RAP2A: variants seen among roughly 807,000 people sequenced by gnomAD.
RAP2A encodes the protein ras-related protein Rap-2a.
In RAP2A, 5 loss-of-function variants were observed where a neutral mutation model predicts 15.1. The observed-to-expected ratio is 0.33, with a 90% CI of 0.17 to 0.70. RAP2A has a LOEUF of 0.70. Among genes scored for constraint, RAP2A ranks in the 30% least tolerant of loss-of-function variants. The pLI, the probability that RAP2A is intolerant of heterozygous loss-of-function variation, is 0.68. For synonymous variants in RAP2A, 110 were observed against 99.7 expected, an observed-to-expected ratio of 1.10 and a Z score of -0.62; for missense variants, 111 against 240.3, an observed-to-expected ratio of 0.46 and a Z score of 3.56.
intron 1 of RAP2A, among the ~76,000 whole-genome samples, chr13:97,440,406 T>C (rs1421898154): frequency 6.6e-6 from 1 of 152,060 alleles, no homozygotes; most frequent in Non-Finnish European, 1.5e-5. Context: ...TCCACTTAAA[T>C]ACAAAACTAA....
intron 1 of RAP2A, among the ~76,000 whole-genome samples, chr13:97,441,146 G>A (rs780176128): frequency 1.3e-5 from 2 of 152,144 alleles, no homozygotes; most frequent in Non-Finnish European, 2.9e-5. Flanking sequence ...TTCTGTGAGA[G>A]CACTTTTGTC....
rs991893387 is a variant in RAP2A at position 97,467,191 on chromosome 13, T to A, written c.*2749T>A. On this transcript the variant is annotated 3_prime_UTR_variant, in exon 2 of 2. Coordinates refer to ENST00000245304, the MANE Select transcript of RAP2A (RefSeq NM_021033.7). ...AAGGCAGCATCTTTGAATTTTTTTT[T>A]CTTTTGATGTTGCAACTTTTGGGTT... 1 of 152,596 alleles carries A rather than the reference T, an allele frequency of 6.6e-6. No homozygotes were observed. The highest frequency in any genetic ancestry group is 2.4e-5 in the African/African-American group (1 of 41,458). 9.5% of individuals were successfully genotyped at this position (152,596 alleles called of 1,614,324 possible).
chr13:97,447,909 C>A (rs1414262700), intron 1 of RAP2A, among the ~76,000 whole-genome samples: 1 of 152,130 alleles, frequency 6.6e-6, no homozygotes, highest in African/African-American at 2.4e-5. Flanking sequence ...AGGTAGCACA[C>A]CTGGCTTCAG....
chr13:97,461,990 TTATATATTTATATTTATA>T, intron 1 of RAP2A, among the ~76,000 whole-genome samples: 1 of 141,778 alleles, frequency 7.1e-6, no homozygotes, highest in Admixed American at 7.0e-5. Flanking sequence ...ATATATATAT[TTATATATTTATATTTATA>T]TATTTATATA....
chr13:97,449,872 GTTGT>G (rs1359085879), intron 1 of RAP2A, among the ~76,000 whole-genome samples: 2 of 151,974 alleles, frequency 1.3e-5, no homozygotes, highest in Non-Finnish European at 2.9e-5. Context: ...CCTCTTCTGA[GTTGT>G]TTATTGCTGG....
At chr13:97,434,869 A>C in intron 1 of RAP2A, 85 bp downstream of exon 1, 3 of 1,547,860 alleles carry the variant, frequency 1.9e-6, no homozygotes, top group Non-Finnish European at 2.6e-6. Flanking sequence ...GGCTCCGGGG[A>C]AGGGGCTTTC....
In RAP2A at chr13:97,462,032, T is replaced by TTATATATATTTATATATATATTTA. The variant is rs533390943; in HGVS notation, c.315-2155_315-2132dup. ...TATATTTATATAGATATTTATATATTTATATATATTTATATATATATTTAT... is the reference window on the plus strand; with the variant it reads ...TATATTTATATAGATATTTATATATTTATATATATTTATATATATATTTATATATATATTTATATATATATTTAT... On this transcript the variant is annotated intron_variant, in intron 1 of 1. Transcript: ENST00000245304. 3.5e-5 allele frequency among the ~76,000 whole-genome samples: 5 copies of TTATATATATTTATATATATATTTA among 141,554 alleles called. 1 individual carries two copies. Among genetic ancestry groups the TTATATATATTTATATATATATTTA allele is most frequent in the South Asian group, 4.2e-4 (2 of 4,744 alleles). 92.9% of individuals were successfully genotyped at this position (141,554 alleles called of 152,430 possible).
chr13:97,447,730 A>T (rs1447172619), intron 1 of RAP2A, among the ~76,000 whole-genome samples: 1 of 152,214 alleles, frequency 6.6e-6, no homozygotes, highest in African/African-American at 2.4e-5. Flanking sequence ...GTTACTCCAG[A>T]CACCATGGAC....
intron 1 of RAP2A, among the ~76,000 whole-genome samples, chr13:97,458,507 T>A (rs756703389): frequency 5.9e-5 from 9 of 152,134 alleles, no homozygotes; most frequent in Non-Finnish European, 1.3e-4. Context: ...GGTCACAAAG[T>A]AGTAGATTAG....
rs2066762472 is a variant in RAP2A, at chr13:97,464,595, A to G, written c.*153A>G. On this transcript the variant is annotated 3_prime_UTR_variant, in exon 2 of 2. Coordinates refer to ENST00000245304, the MANE Select transcript of RAP2A (RefSeq NM_021033.7). ...AATTGAGCAGTGATTGTCAGTTGATATCTCTGAGTAACATTTGGGTTCAGT... is the reference window on the plus strand; with the variant it reads ...AATTGAGCAGTGATTGTCAGTTGATGTCTCTGAGTAACATTTGGGTTCAGT... 8 of 720,172 alleles carry G rather than the reference A, an allele frequency of 1.1e-5. No individual in the cohort carries two copies. In the South Asian group the frequency reaches 1.3e-4, roughly 11 times the overall value. 44.6% of individuals were successfully genotyped at this position (720,172 alleles called of 1,614,324 possible).
intron 1 of RAP2A, among the ~76,000 whole-genome samples, chr13:97,448,924 A>G (rs1188340849): frequency 6.6e-6 from 1 of 152,152 alleles, no homozygotes; most frequent in African/African-American, 2.4e-5. Flanking sequence ...AGCCTTGAAT[A>G]TGGAGGAGGG....
rs1049963092 is a variant in RAP2A at position 97,464,737 on chromosome 13, T to C, written c.*295T>C. 4 of 353,274 alleles carry C rather than the reference T, an allele frequency of 1.1e-5. No homozygotes were observed. The highest frequency in any genetic ancestry group is 6.2e-5 in the African/African-American group (3 of 48,750). The allele number at this position is 353,274 out of a possible 1,614,324, so 21.9% of individuals were successfully genotyped here. A position where few individuals can be genotyped will look rare whatever the true frequency, so the allele number is the denominator to read the frequency against. On this transcript the variant is annotated 3_prime_UTR_variant, in exon 2 of 2. Transcript: ENST00000245304. ...AAGCTATGATGGCATTGTCGCTGAGTTGACAGAAGCAACTATTGTACAAAT... is the reference window on the plus strand; with the variant it reads ...AAGCTATGATGGCATTGTCGCTGAGCTGACAGAAGCAACTATTGTACAAAT...
intron 1 of RAP2A, among the ~76,000 whole-genome samples, chr13:97,435,072 G>T (rs192412523): frequency 3.9e-5 from 6 of 152,212 alleles, no homozygotes; most frequent in Admixed American, 2.0e-4. Flanking sequence ...AAACTTGCAG[G>T]GGGGAAAGGG....
intron 1 of RAP2A, among the ~76,000 whole-genome samples, chr13:97,442,233 A>G (rs1167801130): frequency 6.6e-6 from 1 of 152,098 alleles, no homozygotes; most frequent in East Asian, 1.9e-4. Flanking sequence ...CTAATACATA[A>G]TCTAGCTAAG....
Position 97,434,435 on chromosome 13 carries a change from G to T in RAP2A, c.-36G>T, listed in dbSNP as rs1196115929. On this transcript the variant is annotated 5_prime_UTR_variant, in exon 1 of 2. Transcript: ENST00000245304. ...AGCGCGGCCGGCGTAGGTCTATGTC[G>T]CGGGCGGCGGCGGCGGCGGCGGCCG... is the stretch of plus-strand genomic sequence containing the variant. 1 of 1,545,764 alleles carries T rather than the reference G, an allele frequency of 6.5e-7. No homozygotes were observed. The highest frequency in any genetic ancestry group is 8.7e-7 in the Non-Finnish European group (1 of 1,146,154).
In RAP2A at chr13:97,468,770, A is replaced by G. The variant is rs909674640; in HGVS notation, c.*4328A>G. Reference sequence around the variant, plus strand: ...GTGTTTGTAAATTTTTTAATAAATTATTTAAATGTATCAATAGTGGATAGT... The same window carrying G: ...GTGTTTGTAAATTTTTTAATAAATTGTTTAAATGTATCAATAGTGGATAGT... On this transcript the variant is annotated 3_prime_UTR_variant, in exon 2 of 2. Transcript: ENST00000245304. The G allele has an allele frequency of 6.6e-6, 1 of 152,252 alleles. No homozygotes were observed. Among genetic ancestry groups the G allele is most frequent in the African/African-American group, 2.4e-5 (1 of 41,468 alleles). 9.4% of individuals were successfully genotyped at this position (152,252 alleles called of 1,614,324 possible). A position where few individuals can be genotyped will look rare whatever the true frequency, so the allele number is the denominator to read the frequency against.
chr13:97,459,126 G>A (rs1265523771), intron 1 of RAP2A, among the ~76,000 whole-genome samples: 1 of 152,170 alleles, frequency 6.6e-6, no homozygotes, highest in African/African-American at 2.4e-5. Flanking sequence ...ATGGGCTGAA[G>A]TTGGTGAGAT....
chr13:97,452,041 G>C (rs1009281707), intron 1 of RAP2A, among the ~76,000 whole-genome samples: 2 of 150,874 alleles, frequency 1.3e-5, no homozygotes, highest in African/African-American at 4.9e-5. Flanking sequence ...TTCTTTATTA[G>C]ATGTATGTAT....
chr13:97,454,244 T>C (rs1412753227), intron 1 of RAP2A, among the ~76,000 whole-genome samples: 21 of 151,288 alleles, frequency 1.4e-4, no homozygotes, highest in Admixed American at 1.4e-3. Flanking sequence ...ATAGCATGGA[T>C]GTAGGTCTTT....
Sources: gnomAD v4.1 joint callset for allele counts (sites outside exome capture counted in the v4.1 genomes callset) on GRCh38, gnomAD v4.1.1 for gene constraint, MANE v1.5 for transcripts, NCBI Gene and HGNC (gene_info 2026-07-23, HGNC 2026-07-21) for gene names.